SLC8A1: variants seen among roughly 807,000 people sequenced by gnomAD.
The protein encoded by SLC8A1 is sodium/calcium exchanger 1.
Under a neutral mutation model 68.3 loss-of-function variants are expected in SLC8A1, and 18 were observed. The ratio of observed to expected loss-of-function variants is 0.26; its 90% CI spans 0.18 to 0.39. The LOEUF (loss-of-function observed/expected upper bound fraction) is 0.39. Ranked by LOEUF, SLC8A1 falls within the 10% of genes least tolerant of loss-of-function variation. The pLI, the probability that SLC8A1 is intolerant of heterozygous loss-of-function variation, is 1.00. For synonymous variants in SLC8A1, 475 were observed against 415.5 expected (o/e 1.14, Z -1.74); for missense variants, 985 against 1,156.7 (o/e 0.85, Z 2.15).
intron 2 of SLC8A1, among the ~76,000 whole-genome samples, chr2:40,200,083 A>G (rs377636251): frequency 2.8e-5 from 4 of 141,964 alleles, no homozygotes; most frequent in African/African-American, 1.1e-4. Context: ...AACTATAAGA[A>G]GAGTTAAGAT....
chr2:40,180,821 T>C (rs747596355), intron 2 of SLC8A1, among the ~76,000 whole-genome samples: 56 of 152,232 alleles, frequency 3.7e-4, no homozygotes, highest in Non-Finnish European at 1.2e-4. Flanking sequence ...GCTAATAGGG[T>C]GAATGTTTGT....
intron 2 of SLC8A1, among the ~76,000 whole-genome samples, chr2:40,242,578 G>C (rs2061361571): frequency 6.6e-6 from 1 of 152,204 alleles, no homozygotes; most frequent in Non-Finnish European, 1.5e-5. Context: ...ATACCGTCTT[G>C]AATGTCAAAG....
chr2:40,174,778 G>T (rs752516767), intron 4 of SLC8A1, 47 bp downstream of exon 5: 2 of 1,596,428 alleles, frequency 1.3e-6, no homozygotes, highest in Non-Finnish European at 1.7e-6. Flanking sequence ...CATCTGGTGA[G>T]AACAGACAGT....
intron 2 of SLC8A1, among the ~76,000 whole-genome samples, chr2:40,198,764 T>C (rs2053574291): frequency 6.6e-6 from 1 of 151,890 alleles, no homozygotes; most frequent in Admixed American, 6.6e-5. Context: ...CACTAACTAC[T>C]CTGGAGAGTG....
chr2:40,483,660 GTAAA>G (rs994066626), intron 1 of SLC8A1, among the ~76,000 whole-genome samples: 76 of 152,272 alleles, frequency 5.0e-4, no homozygotes, highest in African/African-American at 1.8e-3. Context: ...GTTCTGCCTG[GTAAA>G]TAAACAGAAG....
rs56145701 is a variant in SLC8A1, at chr2:40,277,794, GTATATATATATATATATATATATA to G, written c.1809-99963_1809-99940del. Among the ~76,000 whole-genome samples, 8 of 108,024 alleles carry G rather than the reference GTATATATATATATATATATATATA, an allele frequency of 7.4e-5. 1 individual carries two copies. Among genetic ancestry groups the G allele is most frequent in the Admixed American group, 5.4e-4 (5 of 9,294 alleles). The allele number at this position is 108,024 out of a possible 152,430, so 70.9% of individuals were successfully genotyped here. A position where few individuals can be genotyped will look rare whatever the true frequency, so the allele number is the denominator to read the frequency against. On this transcript the variant is annotated intron_variant, in intron 2 of 7. Transcript: ENST00000406785. ...TATGTATAAATATATATATATGTGT[GTATATATATATATATATATATATA>G]TATATATATATATTTGTAACATATG...
chr2:40,464,776 G>C (rs959387183), intron 1 of SLC8A1, among the ~76,000 whole-genome samples: 1 of 152,188 alleles, frequency 6.6e-6, no homozygotes, highest in Admixed American at 6.5e-5. Context: ...CAGTTGGTGG[G>C]AGTCAACCTA....
At chr2:40,234,589 A>G (rs10172228) in intron 2 of SLC8A1, among the ~76,000 whole-genome samples, 18,907 of 152,118 alleles carry the variant, frequency 0.12, 1,255 homozygotes, top group Non-Finnish European at 0.14. Context: ...AATACCCTTT[A>G]TTTCCTTCTC....
intron 2 of SLC8A1, among the ~76,000 whole-genome samples, chr2:40,291,199 TTATTAGGAG>T (rs1297218342): frequency 6.6e-6 from 1 of 152,136 alleles, no homozygotes; most frequent in Admixed American, 6.5e-5. Flanking sequence ...GTGCTGTTGA[TTATTAGGAG>T]TATTTTCTCA....
chr2:40,318,336 C>T (rs1389464014), intron 2 of SLC8A1, among the ~76,000 whole-genome samples: 2 of 151,970 alleles, frequency 1.3e-5, no homozygotes, highest in African/African-American at 2.4e-5. Context: ...AAACCTCATT[C>T]CAGGATATTG....
intron 6 of SLC8A1, among the ~76,000 whole-genome samples, chr2:40,145,517 G>T (rs2042295454): frequency 6.6e-6 from 1 of 152,110 alleles, no homozygotes; most frequent in Non-Finnish European, 1.5e-5. Flanking sequence ...CACTCAGTAG[G>T]CTTTCTCCTC....
At chr2:40,161,133 T>C (rs992503520) in intron 5 of SLC8A1, among the ~76,000 whole-genome samples, 5 of 152,190 alleles carry the variant, frequency 3.3e-5, no homozygotes, top group African/African-American at 1.2e-4. Context: ...GAATAGCAGA[T>C]GCTGCAAAAG....
intron 2 of SLC8A1, among the ~76,000 whole-genome samples, chr2:40,358,711 T>C (rs1673541769): frequency 6.6e-6 from 1 of 152,164 alleles, no homozygotes; most frequent in Non-Finnish European, 1.5e-5. Flanking sequence ...CAGTCCAAGG[T>C]GCTGCTAGGA....
At chr2:40,324,537 A>G (rs1043612771) in intron 2 of SLC8A1, among the ~76,000 whole-genome samples, 2 of 152,172 alleles carry the variant, frequency 1.3e-5, no homozygotes, top group Non-Finnish European at 2.9e-5. Context: ...TTCCTGCTCT[A>G]AATATGATTC....
At chr2:40,189,262 T>G (rs1019716619) in intron 2 of SLC8A1, among the ~76,000 whole-genome samples, 3 of 152,220 alleles carry the variant, frequency 2.0e-5, no homozygotes, top group Admixed American at 6.5e-5. Context: ...TCTTTCTCAC[T>G]AAATACAATG....
chr2:40,441,409 C>T (rs376030588), intron 1 of SLC8A1, among the ~76,000 whole-genome samples: 1 of 146,680 alleles, frequency 6.8e-6, no homozygotes, highest in South Asian at 2.2e-4. Flanking sequence ...AAAAAAAAAA[C>T]TACTTTAAGT....
chr2:40,235,144 C>G lies in SLC8A1; in HGVS notation c.1809-57289G>C, dbSNP rs1194501729. On this transcript the variant is annotated intron_variant, in intron 2 of 7. Coordinates refer to ENST00000406785, the Ensembl canonical transcript of SLC8A1. Reference sequence around the variant, plus strand: ...GAGTTAGGGAGGATTCCCTCTTTTTCTATTGATTGGAATAGTTTCAGAAGG... The same window carrying G: ...GAGTTAGGGAGGATTCCCTCTTTTTGTATTGATTGGAATAGTTTCAGAAGG... Among the ~76,000 whole-genome samples, 6 of 151,828 alleles carry G rather than the reference C, an allele frequency of 4.0e-5. No individual in the cohort carries two copies. In the East Asian group the frequency reaches 1.2e-3, roughly 29 times the overall value.
chr2:40,314,905 C>G (rs930905448), intron 2 of SLC8A1, among the ~76,000 whole-genome samples: 2 of 151,936 alleles, frequency 1.3e-5, no homozygotes, highest in Non-Finnish European at 2.9e-5. Context: ...AGATTTTTAT[C>G]AGATTTTTAT....
intron 2 of SLC8A1, among the ~76,000 whole-genome samples, chr2:40,374,680 T>A (rs1679225579): frequency 6.6e-6 from 1 of 151,802 alleles, no homozygotes; most frequent in Admixed American, 6.6e-5. Context: ...ACAATAACTT[T>A]CCCAGCCTGG....
Sources: allele counts gnomAD v4.1 joint callset (sites outside exome capture counted in the v4.1 genomes callset), GRCh38; gene constraint gnomAD v4.1.1; transcripts MANE v1.5; gene names NCBI Gene and HGNC (gene_info 2026-07-23, HGNC 2026-07-21).